The following DNAJC5B variants were observed in gnomAD, a reference collection of about 807,000 sequenced individuals.
DNAJC5B encodes dnaJ homolog subfamily C member 5B.
A neutral mutation model predicts 24.7 loss-of-function variants in DNAJC5B; 23 were observed. That is an observed-to-expected ratio of 0.93 (90% confidence interval 0.67 to 1.32). DNAJC5B has a LOEUF of 1.32. Ranked by LOEUF, DNAJC5B falls within the 40% of genes most tolerant of loss-of-function variation. The probability of loss-of-function intolerance (pLI) is 0.00; values close to 1 mark genes in which losing one functional copy is unlikely to be tolerated. For synonymous variants in DNAJC5B, 101 were observed against 90.1 expected (o/e 1.12, Z -0.68); for missense variants, 238 against 240.8 (o/e 0.99, Z 0.08).
intron 3 of DNAJC5B, among the ~76,000 whole-genome samples, chr8:66,061,788 A>G (rs1807088155): frequency 6.6e-6 from 1 of 152,152 alleles, no homozygotes; most frequent in Non-Finnish European, 1.5e-5. Flanking sequence ...AAAAATTTTT[A>G]GATGCCAAGT....
intron 1 of DNAJC5B, among the ~76,000 whole-genome samples, chr8:66,033,035 G>A (rs1321058459): frequency 6.6e-6 from 1 of 152,238 alleles, no homozygotes; most frequent in East Asian, 1.9e-4. Flanking sequence ...CGGAGACTCA[G>A]GAGAGCATGG....
rs759634089 is a variant in DNAJC5B at position 66,100,077 on chromosome 8, T to C, written c.*46T>C. 3 of 1,559,474 alleles carry C rather than the reference T, an allele frequency of 1.9e-6. No homozygotes were observed. The East Asian group carries it at 6.8e-5, about 35-fold the overall frequency. ...CACAGTCCCTCCTCTCAGTTCAGTC[T>C]TGTCTCCAGATGGTCGTAGGGGAGC... is the stretch of plus-strand genomic sequence containing the variant. On this transcript the variant is annotated 3_prime_UTR_variant, in exon 6 of 6. Coordinates refer to ENST00000276570, the MANE Select transcript of DNAJC5B (RefSeq NM_033105.6).
chr8:66,050,358 G>T (rs928702016), intron 2 of DNAJC5B, among the ~76,000 whole-genome samples: 1 of 152,166 alleles, frequency 6.6e-6, no homozygotes, highest in African/African-American at 2.4e-5. Flanking sequence ...CCCAAGGAAG[G>T]GTTGATAGAC....
At chr8:66,018,238 G>T (rs1328087879), upstream of DNAJC5B, among the ~76,000 whole-genome samples, 8 of 152,162 alleles carry the variant, frequency 5.3e-5, no homozygotes, top group Admixed American at 4.6e-4. Flanking sequence ...CAAGTCCTCA[G>T]CCGGGCGCAG....
chr8:66,049,060 T>C lies in DNAJC5B; in HGVS notation c.-17-2471T>C, dbSNP rs546184119. 2.6e-5 allele frequency among the ~76,000 whole-genome samples: 4 copies of C among 152,372 alleles called. No individual in the cohort carries two copies. The East Asian group carries it at 7.7e-4, about 29-fold the overall frequency. ...TATACATTTGGATCCCATATTAGTCTGCAACCTCTCTGAAGACCTAGCCCA... is the reference window on the plus strand; with the variant it reads ...TATACATTTGGATCCCATATTAGTCCGCAACCTCTCTGAAGACCTAGCCCA... On this transcript the variant is annotated intron_variant, in intron 2 of 5. Coordinates refer to ENST00000276570, the MANE Select transcript of DNAJC5B (RefSeq NM_033105.6).
At chr8:66,040,531 C>A (rs1008089261) in intron 1 of DNAJC5B, among the ~76,000 whole-genome samples, 2 of 152,220 alleles carry the variant, frequency 1.3e-5, no homozygotes, top group Admixed American at 6.5e-5. Flanking sequence ...GAAACTCAGG[C>A]AGTGGGAAAT....
chr8:66,051,721 G>A, intron 3 of DNAJC5B, 55 bp downstream of exon 3: 3 of 1,329,336 alleles, frequency 2.3e-6, no homozygotes, highest in South Asian at 2.5e-5. Flanking sequence ...TTTTGTGACT[G>A]GCAGATTCCT....
At chr8:66,082,253 C>G (rs1807612369) in intron 5 of DNAJC5B, among the ~76,000 whole-genome samples, 1 of 152,052 alleles carries the variant, frequency 6.6e-6, no homozygotes, top group African/African-American at 2.4e-5. Context: ...ACTGGGTCAA[C>G]CTAACTGAAC....
intron 4 of DNAJC5B, among the ~76,000 whole-genome samples, chr8:66,079,380 A>G (rs930850651): frequency 3.3e-5 from 5 of 152,208 alleles, no homozygotes; most frequent in African/African-American, 1.2e-4. Flanking sequence ...GTATCACTTA[A>G]AAAAAGCACC....
chr8:66,031,164 A>G (rs1806353082), intron 1 of DNAJC5B, among the ~76,000 whole-genome samples: 4 of 152,232 alleles, frequency 2.6e-5, no homozygotes, highest in Admixed American at 2.6e-4. Context: ...CTTTAATTTT[A>G]AAGAACTATA....
intron 1 of DNAJC5B, among the ~76,000 whole-genome samples, chr8:66,033,472 A>G (rs941742534): frequency 1.5e-4 from 23 of 152,226 alleles, no homozygotes; most frequent in African/African-American, 5.3e-4. Context: ...ACAGAGAATC[A>G]TCTCATCCAT....
chr8:66,049,919 G>A (rs1457065803), intron 2 of DNAJC5B, among the ~76,000 whole-genome samples: 3 of 152,176 alleles, frequency 2.0e-5, no homozygotes, highest in Non-Finnish European at 4.4e-5. Context: ...TGACATAGAT[G>A]ATGAAGAGGA....
chr8:66,034,176 T>TTGTGTGTGTGCGTG (rs1806427027), intron 1 of DNAJC5B, among the ~76,000 whole-genome samples: 1 of 144,190 alleles, frequency 6.9e-6, no homozygotes, highest in Admixed American at 6.9e-5. Flanking sequence ...TGTTGTTGTT[T>TTGTGTGTGTGCGTG]TGTGTGTGTG....
intron 1 of DNAJC5B, among the ~76,000 whole-genome samples, chr8:66,028,213 T>C (rs1043708353): frequency 2.6e-5 from 4 of 152,150 alleles, no homozygotes; most frequent in African/African-American, 9.7e-5. Flanking sequence ...AGAAAAACAA[T>C]TTCCTAGTGA....
intron 5 of DNAJC5B, among the ~76,000 whole-genome samples, chr8:66,093,039 G>A (rs751139155): frequency 8.5e-5 from 13 of 152,154 alleles, no homozygotes; most frequent in Non-Finnish European, 1.3e-4. Context: ...TCCATTCAGC[G>A]TTGTCCTTCT....
Position 66,051,572 on chromosome 8 carries a change from A to T in DNAJC5B, c.25A>T (p.Arg9Ter). Residue 9 changes from arginine (R) to a stop codon, truncating the protein, a stop_gained, in exon 3 of 6, where the codon AGA (arginine) becomes TGA (stop). Coordinates refer to ENST00000276570, the MANE Select transcript of DNAJC5B (RefSeq NM_033105.6). LOFTEE classifies it high-confidence loss of function. ...AATGGCATGTAACATACCTAACCAA[A>T]GACAGCGGACTCTGTCAACAACAGG... MACNIPNQ[R>*]QRTLSTTGEA... 1 of 1,613,962 alleles carries T rather than the reference A, an allele frequency of 6.2e-7. No homozygotes were observed. The highest frequency in any genetic ancestry group is 8.5e-7 in the Non-Finnish European group (1 of 1,179,960).
At chr8:66,028,380 C>G (rs889665089) in intron 1 of DNAJC5B, among the ~76,000 whole-genome samples, 1 of 152,082 alleles carries the variant, frequency 6.6e-6, no homozygotes. Flanking sequence ...ACAAGGACAC[C>G]AGGAAGAATA....
rs749198201 is a variant in DNAJC5B, at chr8:66,076,720, G to A, written c.180G>A (p.Lys60=). The A allele has an allele frequency of 5.6e-6, 9 of 1,614,126 alleles. No homozygotes were observed. The highest frequency in any genetic ancestry group is 7.6e-6 in the Non-Finnish European group (9 of 1,180,002). ...CAGATGATCCAGCTGCTACTGAGAA[G>A]TTTAAAGAAATCAACAACGCCCACG... The part of the protein sequence containing the change: ...KNPDDPAATE[K]FKEINNAHAI... Residue 60 remains lysine, a synonymous_variant, in exon 4 of 6, where the codon AAG becomes AAA. Coordinates refer to ENST00000276570, the MANE Select transcript of DNAJC5B (RefSeq NM_033105.6).
rs1273898814 is a variant in DNAJC5B, at chr8:66,076,542, A to T, written c.120-118A>T. On this transcript the variant is annotated intron_variant, in intron 3 of 5. Coordinates refer to ENST00000276570, the MANE Select transcript of DNAJC5B (RefSeq NM_033105.6). ...GTTAATCACCGCTAGTCTGAAACTC[A>T]CCATTTCACAGTATTTGCGCTAATA... is the stretch of plus-strand genomic sequence containing the variant. The T allele has an allele frequency of 2.7e-6, 3 of 1,097,296 alleles. No individual in the cohort carries two copies. The African/African-American group carries it at 4.7e-5, about 17-fold the overall frequency. The allele number at this position is 1,097,296 out of a possible 1,614,324, so 68.0% of individuals were successfully genotyped here. A position where few individuals can be genotyped will look rare whatever the true frequency, so the allele number is the denominator to read the frequency against.
Sources: allele counts gnomAD v4.1 joint callset (sites outside exome capture counted in the v4.1 genomes callset), GRCh38; gene constraint gnomAD v4.1.1; transcripts MANE v1.5; gene names NCBI Gene and HGNC (gene_info 2026-07-23, HGNC 2026-07-21).